The following BTG4 variants were observed in gnomAD, a reference collection of about 807,000 sequenced individuals.
The protein encoded by BTG4 is protein BTG4.
Under a neutral mutation model 19.3 loss-of-function variants are expected in BTG4, and 10 were observed. The observed-to-expected ratio is 0.52, with a 90% confidence interval of 0.32 to 0.88. The LOEUF (loss-of-function observed/expected upper bound fraction) is 0.88. Among genes scored for constraint, BTG4 ranks in the 40% least tolerant of loss-of-function variants. BTG4 has a pLI of 0.04. For missense variants in BTG4, 238 were observed against 281.9 expected, an observed-to-expected ratio of 0.84 and a Z score of 1.11; for synonymous variants, 91 against 95.7, an observed-to-expected ratio of 0.95 and a Z score of 0.29.
At chr11:111,503,780 G>A (rs1866255231) in intron 1 of BTG4, among the ~76,000 whole-genome samples, 1 of 152,104 alleles carries the variant, frequency 6.6e-6, no homozygotes, top group South Asian at 2.1e-4. Flanking sequence ...ACAAGTAATA[G>A]TTTCTAGAAT....
chr11:111,385,550 T>G, the BTG4 span: 1 of 151,976 alleles, frequency 6.6e-6, no homozygotes, highest in Non-Finnish European at 1.5e-5. Context: ...AATAGTATAT[T>G]AAGGACTAAT....
At chr11:111,412,193 TACAATGCTCAAAGCCC>T in the BTG4 span, among the ~76,000 whole-genome samples, 1 of 152,204 alleles carries the variant, frequency 6.6e-6, no homozygotes, top group Non-Finnish European at 1.5e-5. Context: ...CAATCAAGAC[TACAATGCTCAAAGCCC>T]ACTTTGTGAT....
chr11:111,446,211 G>A, the BTG4 span, among the ~76,000 whole-genome samples: 1 of 152,198 alleles, frequency 6.6e-6, no homozygotes, highest in African/African-American at 2.4e-5. Context: ...AGGCTTCAGA[G>A]CAAGAATACC....
In BTG4 at chr11:111,473,912, T is replaced by C. The variant is rs1192827195; in HGVS notation, c.663-6231A>G. The stretch of plus-strand genomic sequence containing the variant: ...ACCACAAAGATACCAACTGCTGTTT[T>C]ACAAAAGTTTATTTTTAATCCTAAG... On this transcript the variant is annotated intron_variant, in intron 5 of 5. Transcript: ENST00000356018. Among the ~76,000 whole-genome samples, 4 of 152,186 alleles carry C rather than the reference T, an allele frequency of 2.6e-5. No homozygotes were observed. The East Asian group carries it at 5.8e-4, about 22-fold the overall frequency.
chr11:111,411,154 A>G, the BTG4 span, among the ~76,000 whole-genome samples: 17 of 151,982 alleles, frequency 1.1e-4, no homozygotes, highest in South Asian at 2.1e-4. Context: ...AAACCCTCCA[A>G]TGGTTTCCCA....
At chr11:111,453,340 A>C in the BTG4 span, 1 of 383,478 alleles carries the variant, frequency 2.6e-6, no homozygotes, top group East Asian at 7.5e-5. Flanking sequence ...TTCCTTTCAG[A>C]GTCTTCAGGA....
chr11:111,434,734 A>G, the BTG4 span, among the ~76,000 whole-genome samples: 2 of 152,010 alleles, frequency 1.3e-5, no homozygotes, highest in African/African-American at 2.4e-5. Context: ...TCCGTAGTGA[A>G]TTAGTAGCAT....
the BTG4 span, among the ~76,000 whole-genome samples, chr11:111,405,649 AGGGAG>A: frequency 6.6e-6 from 1 of 152,010 alleles, no homozygotes; most frequent in African/African-American, 2.4e-5. Flanking sequence ...GGGAGTGGGG[AGGGAG>A]GGCTACCTGA....
chr11:111,467,074 T>C (rs1322818268), downstream of BTG4, among the ~76,000 whole-genome samples: 1 of 152,206 alleles, frequency 6.6e-6, no homozygotes, highest in Non-Finnish European at 1.5e-5. Context: ...AAGTCTAATC[T>C]CTCGAATGAT....
the BTG4 span, among the ~76,000 whole-genome samples, chr11:111,407,196 T>C: frequency 1.3e-5 from 2 of 148,242 alleles, no homozygotes; most frequent in African/African-American, 4.9e-5. Flanking sequence ...ACTATAGTTA[T>C]ACATATAAGT....
downstream of BTG4, among the ~76,000 whole-genome samples, chr11:111,464,124 G>A (rs1434054994): frequency 6.6e-6 from 1 of 152,138 alleles, no homozygotes; most frequent in Non-Finnish European, 1.5e-5. Context: ...AGCCTCCCGA[G>A]TAGCTGGGAT....
chr11:111,428,531 G>A, the BTG4 span, among the ~76,000 whole-genome samples: 1 of 152,168 alleles, frequency 6.6e-6, no homozygotes, highest in African/African-American at 2.4e-5. Flanking sequence ...CTCCCCAGGG[G>A]AGCAGACTGA....
chr11:111,495,111 C>A lies in BTG4; in HGVS notation c.*24G>T. ...ATAAAGGCACTCCTCTGAGCTCTTG[C>A]CCACCACGTGCCCAGTCGCTGCGTC... On this transcript the variant is annotated 3_prime_UTR_variant, in exon 5 of 5. Coordinates refer to ENST00000692032, the MANE Select transcript of BTG4 (RefSeq NM_001367975.1). The A allele has an allele frequency of 1.3e-6, 2 of 1,507,308 alleles. No homozygotes were observed. Among genetic ancestry groups the A allele is most frequent in the South Asian group, 1.4e-5 (1 of 71,416 alleles). The allele number at this position is 1,507,308 out of a possible 1,614,324, so 93.4% of individuals were successfully genotyped here.
At chr11:111,469,640 A>C (rs1053323058) in intron 5 of BTG4, 2 of 152,618 alleles carry the variant, frequency 1.3e-5, no homozygotes, top group African/African-American at 2.4e-5. Context: ...AGAACTGCTA[A>C]AGACAATGAT....
chr11:111,495,727 A>G (rs1205198301), intron 4 of BTG4, among the ~76,000 whole-genome samples: 1 of 152,202 alleles, frequency 6.6e-6, no homozygotes, highest in Admixed American at 6.5e-5. Flanking sequence ...CATTGCTGTA[A>G]AAGAATATAG....
At chr11:111,404,625 T>C in the BTG4 span, 1 of 456,110 alleles carries the variant, frequency 2.2e-6, no homozygotes, top group African/African-American at 2.0e-5. Context: ...ACCTACCATC[T>C]CTGATGAAGA....
downstream of BTG4, among the ~76,000 whole-genome samples, chr11:111,494,246 G>T (rs993868649): frequency 6.6e-6 from 1 of 152,140 alleles, no homozygotes; most frequent in Non-Finnish European, 1.5e-5. Context: ...TGAGAAGACA[G>T]CTACTAAATG....
the BTG4 span, among the ~76,000 whole-genome samples, chr11:111,442,513 C>T: frequency 0.18 from 25,469 of 145,454 alleles, 2,242 homozygotes; most frequent in South Asian, 0.22. Flanking sequence ...AAAATGTATA[C>T]ACACACACAC....
chr11:111,384,744 C>T, the BTG4 span: 1 of 152,082 alleles, frequency 6.6e-6, no homozygotes, highest in Non-Finnish European at 1.5e-5. Context: ...TAATCAAATA[C>T]TGGGTAAAGT....
Sources: gnomAD v4.1 joint callset for allele counts (sites outside exome capture counted in the v4.1 genomes callset) on GRCh38, gnomAD v4.1.1 for gene constraint, MANE v1.5 for transcripts, NCBI Gene and HGNC (gene_info 2026-07-23, HGNC 2026-07-21) for gene names.